The following POMGNT1 variants were observed in gnomAD, a reference collection of about 807,000 sequenced individuals.
POMGNT1 encodes protein O-linked mannose N-acetylglucosaminyltransferase 1 (beta 1,2-).
Under a neutral mutation model 95.6 loss-of-function variants are expected in POMGNT1, and 67 were observed. The observed-to-expected ratio is 0.70, with a 90% CI of 0.58 to 0.86. The LOEUF is 0.86. Ranked by LOEUF, POMGNT1 falls within the 40% of genes least tolerant of loss-of-function variation. The pLI is 0.00. For synonymous variants in POMGNT1, 298 were observed against 317.9 expected, an observed-to-expected ratio of 0.94 and a Z score of 0.66; for missense variants, 719 against 855.2, an observed-to-expected ratio of 0.84 and a Z score of 1.99.
chr1:46,219,613 G>A, intron 1 of POMGNT1: 1 of 1,403,202 alleles, frequency 7.1e-7, no homozygotes, highest in Non-Finnish European at 9.5e-7. Flanking sequence ...AACATGGTTG[G>A]CTGAACCACA....
At chr1:46,201,262 A>G (rs1658524083), upstream of POMGNT1, among the ~76,000 whole-genome samples, 2 of 151,758 alleles carry the variant, frequency 1.3e-5, no homozygotes, top group East Asian at 1.9e-4. Flanking sequence ...CTGTAATCCC[A>G]GCACTTTGGG....
At chr1:46,212,465 C>T (rs1011980623) in intron 1 of POMGNT1, among the ~76,000 whole-genome samples, 12 of 151,524 alleles carry the variant, frequency 7.9e-5, no homozygotes, top group African/African-American at 1.2e-4. Context: ...GTATTTTTAA[C>T]AGAGACGGGG....
chr1:46,196,140 G>C lies in POMGNT1; in HGVS notation c.355-63C>G. ...TGGCATTCAAGGTGTCTCTGTCTTA[G>C]GGGTACTTAAAACACCAGCTGCTTG... On this transcript the variant is annotated intron_variant, in intron 4 of 21. Coordinates refer to ENST00000371984, the MANE Select transcript of POMGNT1 (RefSeq NM_017739.4). This position sits in a 1 kb window ranked among gnomAD's most constrained non-coding sequence, Gnocchi z 4.4. The C allele has an allele frequency of 6.2e-7, 1 of 1,611,440 alleles. No individual in the cohort carries two copies. The highest frequency in any genetic ancestry group is 8.5e-7 in the Non-Finnish European group (1 of 1,179,706).
In POMGNT1 at chr1:46,196,921, C is replaced by A; in HGVS notation, c.235+49G>T. On this transcript the variant is annotated intron_variant, in intron 3 of 21. Transcript: ENST00000371984. This position sits in a 1 kb window ranked among gnomAD's most constrained non-coding sequence, Gnocchi z 4.4. The stretch of plus-strand genomic sequence containing the variant: ...CACCGCTTAGGGTCTGCCTGCCACT[C>A]CAGCTGTGAGATCCAAGGCCCCCTA... The A allele has an allele frequency of 6.2e-7, 1 of 1,614,180 alleles. No homozygotes were observed. The highest frequency in any genetic ancestry group is 8.5e-7 in the Non-Finnish European group (1 of 1,180,020).
chr1:46,214,553 A>G (rs1278812726), intron 1 of POMGNT1, among the ~76,000 whole-genome samples: 1 of 152,138 alleles, frequency 6.6e-6, no homozygotes, highest in Non-Finnish European at 1.5e-5. Flanking sequence ...ATGGCGGGGA[A>G]AAGAAAAAAG....
At chr1:46,215,925 AT>A (rs1659050916) in intron 1 of POMGNT1, among the ~76,000 whole-genome samples, 1 of 152,112 alleles carries the variant, frequency 6.6e-6, no homozygotes, top group Non-Finnish European at 1.5e-5. Flanking sequence ...CAATGGAACA[AT>A]GCCTTAACCC....
At chr1:46,198,539 CGGT>C (rs1393264245), upstream of POMGNT1, 772 of 76,942 alleles carry the variant, frequency 0.01, 9 homozygotes, top group African/African-American at 0.024. Flanking sequence ...GCGGCGGCGG[CGGT>C]GGCGGCAGCG....
At chr1:46,207,876 AT>A (rs1027044069) in intron 1 of POMGNT1, among the ~76,000 whole-genome samples, 14 of 143,574 alleles carry the variant, frequency 9.8e-5, no homozygotes, top group African/African-American at 3.4e-4. Flanking sequence ...TATTATCATT[AT>A]TTTTTTTGAC....
exon 1 of POMGNT1, chr1:46,219,996 C>A (rs757809172): frequency 1.2e-6 from 2 of 1,614,248 alleles, no homozygotes; most frequent in East Asian, 2.2e-5. Context: ...TGGGGCTCCA[C>A]GTTCCGAGAT....
chr1:46,192,698 G>A (rs1657881433), intron 14 of POMGNT1, 108 bp from the exon 15 acceptor site: 2 of 1,599,980 alleles, frequency 1.3e-6, no homozygotes, highest in Admixed American at 3.4e-5. Context: ...CCTTCCTGGA[G>A]TACCTCCTTC....
chr1:46,197,894 T>G, intron 1 of POMGNT1, 23 bp from the exon 2 acceptor site: 1 of 1,603,484 alleles, frequency 6.2e-7, no homozygotes, highest in Non-Finnish European at 8.5e-7. Flanking sequence ...GAGGGCCACA[T>G]GGGGTAAGAT....
At chr1:46,209,873 A>C (rs1181439979) in intron 1 of POMGNT1, among the ~76,000 whole-genome samples, 1 of 152,160 alleles carries the variant, frequency 6.6e-6, no homozygotes, top group East Asian at 1.9e-4. Flanking sequence ...AAGGAAGGAA[A>C]GGAGGGAGGG....
chr1:46,189,940 GGAAA>G lies in POMGNT1; in HGVS notation c.1695_1698del (p.Phe566CysfsTer56), dbSNP rs1057516986. ...TAGGTGTGGCCCTCTGTGTCTGGCAGGAAAGAGTCTTCACAAGGGTTCTTGCTGT... is the reference window on the plus strand; with the variant it reads ...TAGGTGTGGCCCTCTGTGTCTGGCAGGAGTCTTCACAAGGGTTCTTGCTGT... On this transcript the variant is annotated frameshift_variant, in exon 20 of 22. Coordinates refer to ENST00000371984, the MANE Select transcript of POMGNT1 (RefSeq NM_017739.4). LOFTEE classifies it high-confidence loss of function. 3 of 1,614,116 alleles carry G rather than the reference GGAAA, an allele frequency of 1.9e-6. No individual in the cohort carries two copies. The highest frequency in any genetic ancestry group is 2.5e-6 in the Non-Finnish European group (3 of 1,180,024).
At chr1:46,207,546 T>G (rs982696551) in intron 1 of POMGNT1, among the ~76,000 whole-genome samples, 2 of 149,258 alleles carry the variant, frequency 1.3e-5, no homozygotes, top group African/African-American at 4.9e-5. Flanking sequence ...CTTTCTTTCT[T>G]TTTTTTTTTT....
rs1317832573 is a variant in POMGNT1 at position 46,193,926 on chromosome 1, C to T, written c.880-1G>A. ...CATTGAGGACCTTGTTGTCTGGGAG[C>T]TGTGGGAGAAATAGCGTTTAGCTCT... On this transcript the variant is annotated splice_acceptor_variant, in intron 9 of 21. Transcript: ENST00000371984. LOFTEE classifies it high-confidence loss of function. 1 of 1,614,014 alleles carries T rather than the reference C, an allele frequency of 6.2e-7. No individual in the cohort carries two copies. Among genetic ancestry groups the T allele is most frequent in the African/African-American group, 1.3e-5 (1 of 74,918 alleles).
Position 46,192,302 on chromosome 1 carries a change from A to C in POMGNT1, c.1413+6T>G, listed in dbSNP as rs1160554172. On this transcript the variant is annotated splice_donor_region_variant and intron_variant, in intron 16 of 21. Transcript: ENST00000371984. The stretch of plus-strand genomic sequence containing the variant: ...TCCAGCCCCCTCACCCTACCCTGAC[A>C]GTTACCTTTTCCGGTGTAGGCCACT... 1.1e-5 allele frequency: 17 copies of C among 1,614,038 alleles called. No individual in the cohort carries two copies. The highest frequency in any genetic ancestry group is 1.4e-5 in the Non-Finnish European group (17 of 1,180,032).
intron 1 of POMGNT1, among the ~76,000 whole-genome samples, chr1:46,210,431 C>T (rs1053583902): frequency 1.3e-5 from 2 of 152,168 alleles, no homozygotes; most frequent in African/African-American, 4.8e-5. Flanking sequence ...ACTCTGTCTA[C>T]CTGGAGACAG....
At chr1:46,208,398 G>A (rs1380553897) in intron 1 of POMGNT1, among the ~76,000 whole-genome samples, 2 of 152,104 alleles carry the variant, frequency 1.3e-5, no homozygotes, top group East Asian at 1.9e-4. Context: ...ATCGAACATA[G>A]TGCCACACCA....
upstream of POMGNT1, among the ~76,000 whole-genome samples, chr1:46,202,696 CAAAAAAAAAAAA>C (rs768113273): frequency 8.8e-3 from 284 of 32,264 alleles, no homozygotes; most frequent in African/African-American, 0.035. Flanking sequence ...GACTCTGTCT[CAAAAAAAAAAAA>C]AAAAAAAAAA....
Sources: allele counts gnomAD v4.1 joint callset (sites outside exome capture counted in the v4.1 genomes callset), GRCh38; gene constraint gnomAD v4.1.1; non-coding constraint Gnocchi (gnomAD v3.1); transcripts MANE v1.5; gene names NCBI Gene and HGNC (gene_info 2026-07-23, HGNC 2026-07-21).